RNF157: variants seen among roughly 807,000 people sequenced by gnomAD.
The protein encoded by RNF157 is ring finger protein 157, also known as E3 ubiquitin ligase RNF157.
In RNF157, 55 loss-of-function variants were observed where a neutral mutation model predicts 88.3. That is an observed-to-expected ratio of 0.62 (90% CI 0.50 to 0.78). RNF157 has a LOEUF of 0.78. Ranked by LOEUF, RNF157 falls within the 30% of genes least tolerant of loss-of-function variation. The pLI, the probability that RNF157 is intolerant of heterozygous loss-of-function variation, is 0.00. For synonymous variants in RNF157, 334 were observed against 341.2 expected, an observed-to-expected ratio of 0.98 and a Z score of 0.23; for missense variants, 788 against 860.8, an observed-to-expected ratio of 0.92 and a Z score of 1.06.
chr17:76,168,737 T>G (rs1328270186), intron 3 of RNF157, among the ~76,000 whole-genome samples: 1 of 152,168 alleles, frequency 6.6e-6, no homozygotes, highest in African/African-American at 2.4e-5. Flanking sequence ...GGTTATTCTT[T>G]CATATCGGTG....
chr17:76,198,909 G>C (rs1488503343), intron 2 of RNF157, among the ~76,000 whole-genome samples: 2 of 152,302 alleles, frequency 1.3e-5, no homozygotes, highest in African/African-American at 2.4e-5. Context: ...ATCACCTGCA[G>C]TGCACACACC....
rs368390165 is a variant in RNF157 at position 76,209,122 on chromosome 17, T to C, written c.207+3242A>G. 5.9e-5 allele frequency among the ~76,000 whole-genome samples: 9 copies of C among 152,234 alleles called. No individual in the cohort carries two copies. The East Asian group carries it at 1.3e-3, about 23-fold the overall frequency. On this transcript the variant is annotated intron_variant, in intron 2 of 18. Transcript: ENST00000269391. Reference sequence around the variant, plus strand: ...TGATTGATTAAGATGGAGGTCTTGCTATATTGCTCAAACTGGACTCGAATT... The same window carrying C: ...TGATTGATTAAGATGGAGGTCTTGCCATATTGCTCAAACTGGACTCGAATT...
rs537497192 is a variant in RNF157 at position 76,196,083 on chromosome 17, A to G, written c.207+16281T>C. On this transcript the variant is annotated intron_variant, in intron 2 of 18. Coordinates refer to ENST00000269391, the MANE Select transcript of RNF157 (RefSeq NM_052916.3). ...AAACCTGCTCTGAGCCGCTACTCTC[A>G]ACACACTGCCTTTGGGTAGCCCTGC... Among the ~76,000 whole-genome samples, 19 of 152,342 alleles carry G rather than the reference A, an allele frequency of 1.2e-4. No homozygotes were observed. In the South Asian group the frequency reaches 3.9e-3, roughly 32 times the overall value.
chr17:76,146,955 C>T lies in RNF157; in HGVS notation c.1922-1602G>A. The T allele has an allele frequency of 1.0e-6, 1 of 985,434 alleles. No individual in the cohort carries two copies. Among genetic ancestry groups the T allele is most frequent in the Non-Finnish European group, 1.2e-6 (1 of 829,932 alleles). 61.0% of individuals were successfully genotyped at this position (985,434 alleles called of 1,614,324 possible). A position where few individuals can be genotyped will look rare whatever the true frequency, so the allele number is the denominator to read the frequency against. ...ACAGGTATAAATGGCTTATTTCCATCAATGCCTTGGTGTGCTAATCCACCT... is the reference window on the plus strand; with the variant it reads ...ACAGGTATAAATGGCTTATTTCCATTAATGCCTTGGTGTGCTAATCCACCT... On this transcript the variant is annotated intron_variant, in intron 18 of 18. Coordinates refer to ENST00000269391, the MANE Select transcript of RNF157 (RefSeq NM_052916.3). This position sits in a 1 kb window ranked among gnomAD's most constrained non-coding sequence, Gnocchi z 4.2.
chr17:76,198,176 G>A (rs1162307963), intron 2 of RNF157, among the ~76,000 whole-genome samples: 1 of 152,192 alleles, frequency 6.6e-6, no homozygotes, highest in Non-Finnish European at 1.5e-5. Context: ...AGAGGTGCTT[G>A]GGACCTGGCC....
At position 76,158,410 on chromosome 17, in the gene RNF157, C is replaced by G; in HGVS notation, c.1396G>C (p.Val466Leu). ...SETQLSQRPSVQHLGEECGVT... is the reference protein window; with the variant it reads ...SETQLSQRPSLQHLGEECGVT... ...TCAATTACCTCTCCGAGATGCTGAA[C>G]CGACGGTCTCTGAGAGAGCTGTGTC... The change falls in exon 13 of 19, where the codon GTT becomes CTT. Residue 466 changes from valine (V) to leucine (L), a missense_variant. Transcript: ENST00000269391. The G allele has an allele frequency of 1.2e-6, 2 of 1,612,468 alleles. No homozygotes were observed. The highest frequency in any genetic ancestry group is 1.7e-6 in the Non-Finnish European group (2 of 1,178,740).
chr17:76,198,284 C>T (rs2069511596), intron 2 of RNF157, among the ~76,000 whole-genome samples: 1 of 152,060 alleles, frequency 6.6e-6, no homozygotes, highest in Admixed American at 6.6e-5. Context: ...GATACAGGGA[C>T]ATTCTCTTAT....
chr17:76,162,181 G>A, intron 9 of RNF157, 179 bp from the exon 10 acceptor site: 1 of 653,884 alleles, frequency 1.5e-6, no homozygotes, highest in Non-Finnish European at 2.6e-6. Context: ...CTTCTTCTGG[G>A]AAGTGTTTAT....
intron 1 of RNF157, among the ~76,000 whole-genome samples, chr17:76,216,027 G>A (rs1023140370): frequency 2.0e-5 from 3 of 152,182 alleles, no homozygotes; most frequent in African/African-American, 7.2e-5. Context: ...GTCATTTACT[G>A]ATGAACTTCA....
At chr17:76,219,231 A>G (rs1211853379) in intron 1 of RNF157, among the ~76,000 whole-genome samples, 2 of 151,980 alleles carry the variant, frequency 1.3e-5, no homozygotes, top group East Asian at 1.9e-4. Flanking sequence ...AGAGAAAAAT[A>G]CAAACCTTCC....
intron 3 of RNF157, among the ~76,000 whole-genome samples, chr17:76,170,091 T>C (rs2068991507): frequency 6.6e-6 from 1 of 152,192 alleles, no homozygotes; most frequent in Admixed American, 6.5e-5. Flanking sequence ...CTCTAGTCTC[T>C]TAGGTTTTCC....
chr17:76,167,590 C>T (rs1382526858), intron 4 of RNF157, 61 bp downstream of exon 4: 5 of 1,604,986 alleles, frequency 3.1e-6, no homozygotes, highest in East Asian at 2.2e-5. Flanking sequence ...CATTCTGGAA[C>T]TCTTCCGTGG....
intron 9 of RNF157, chr17:76,162,290 A>C: frequency 1.7e-6 from 1 of 581,082 alleles, no homozygotes; most frequent in Non-Finnish European, 3.0e-6. Context: ...GGGATCACAC[A>C]GATAAAGGAA....
intron 1 of RNF157, chr17:76,226,188 A>G: frequency 6.2e-7 from 1 of 1,610,500 alleles, no homozygotes; most frequent in Non-Finnish European, 8.5e-7. Flanking sequence ...TCCTTTATGC[A>G]CTGAGGGATC....
In RNF157 at chr17:76,176,872, C is replaced by T. The variant is rs767908068; in HGVS notation, c.208-3082G>A. On this transcript the variant is annotated intron_variant, in intron 2 of 18. Coordinates refer to ENST00000269391, the MANE Select transcript of RNF157 (RefSeq NM_052916.3). This position sits in a 1 kb window ranked among gnomAD's most constrained non-coding sequence, Gnocchi z 4.2. ...GTGGGAGCAGCTTCCGCTTCGGGCA[C>T]CTGGCCATTGGCGCAGCCACTGTGC... is the stretch of plus-strand genomic sequence containing the variant. 6.8e-4 allele frequency among the ~76,000 whole-genome samples: 104 copies of T among 152,186 alleles called. No individual in the cohort carries two copies. Among genetic ancestry groups the T allele is most frequent in the Non-Finnish European group, 1.4e-3 (93 of 68,020 alleles).
rs756016297 is a variant in RNF157 at position 76,145,268 on chromosome 17, C to T, written c.2007G>A (p.Thr669=). The T allele has an allele frequency of 4.4e-5, 71 of 1,607,754 alleles. No individual in the cohort carries two copies. The highest frequency in any genetic ancestry group is 4.3e-4 in the South Asian group (39 of 89,850). ...CCAAAGGGCCCCACACACAGGGCCT[C>T]GTCTCAGAGTCCTCCAGGCTGCTGG... ...LSSSSLEDSE[T]RPCVWGPLAV The change falls in exon 19 of 19, where the codon ACG becomes ACA. Residue 669 remains threonine (T), a synonymous_variant. Transcript: ENST00000269391.
Position 76,158,431 on chromosome 17 carries a change from G to C in RNF157, c.1375C>G (p.Gln459Glu), listed in dbSNP as rs1289136322. The change falls in exon 13 of 19, where the codon CAG (glutamine) becomes GAG (glutamate). Residue 459 changes from glutamine (Q) to glutamate (E), a missense_variant. Coordinates refer to ENST00000269391, the MANE Select transcript of RNF157 (RefSeq NM_052916.3). ...DEHSCSESETQLSQRPSVQHL... is the reference protein window; with the variant it reads ...DEHSCSESETELSQRPSVQHL... ...TGAACCGACGGTCTCTGAGAGAGCT[G>C]TGTCTCCGACTCGCTGCAGGAATGC... 2 of 1,613,786 alleles carry C rather than the reference G, an allele frequency of 1.2e-6. No individual in the cohort carries two copies. Among genetic ancestry groups the C allele is most frequent in the East Asian group, 2.2e-5 (1 of 44,884 alleles).
chr17:76,218,856 C>A (rs1368730714), intron 1 of RNF157, among the ~76,000 whole-genome samples: 1 of 151,732 alleles, frequency 6.6e-6, no homozygotes, highest in Non-Finnish European at 1.5e-5. Context: ...ATCACTTGAA[C>A]CCGGGAAGTG....
chr17:76,175,106 A>G (rs983479246), intron 2 of RNF157, among the ~76,000 whole-genome samples: 1 of 152,140 alleles, frequency 6.6e-6, no homozygotes, highest in African/African-American at 2.4e-5. Flanking sequence ...GTCCACCTCT[A>G]TATCTATGTG....
Sources: gnomAD v4.1 joint callset for allele counts (sites outside exome capture counted in the v4.1 genomes callset) on GRCh38, gnomAD v4.1.1 for gene constraint, Gnocchi (gnomAD v3.1) non-coding constraint, MANE v1.5 for transcripts, NCBI Gene and HGNC (gene_info 2026-07-23, HGNC 2026-07-21) for gene names.